Variants in KL observed in about 807,000 individuals in gnomAD.
KL encodes klotho, also known as alpha-klotho.
In KL, 62 loss-of-function variants were observed where a neutral mutation model predicts 84.2. The observed-to-expected ratio is 0.74, with a 90% CI of 0.60 to 0.91. The LOEUF (loss-of-function observed/expected upper bound fraction) is 0.91. Ranked by LOEUF, KL falls within the 40% of genes least tolerant of loss-of-function variation. KL has a pLI of 0.00. For synonymous variants in KL, 528 were observed against 528.0 expected, an observed-to-expected ratio of 1.00 and a Z score of 0.00; for missense variants, 1,261 against 1,305.7, an observed-to-expected ratio of 0.97 and a Z score of 0.53.
intron 1 of KL, among the ~76,000 whole-genome samples, chr13:33,048,839 A>G (rs1051349694): frequency 2.0e-5 from 3 of 152,222 alleles, no homozygotes; most frequent in African/African-American, 7.2e-5. Flanking sequence ...TAGGCAAATG[A>G]CAGGGAGCTT....
At chr13:33,032,930 T>C (rs192823032) in intron 1 of KL, among the ~76,000 whole-genome samples, 28 of 151,886 alleles carry the variant, frequency 1.8e-4, no homozygotes, top group African/African-American at 6.8e-4. Context: ...CTTTCCTTCC[T>C]CTGAATCGCC....
chr13:33,042,736 A>G lies in KL; in HGVS notation c.820-11031A>G, dbSNP rs145307446. 4.4e-3 allele frequency among the ~76,000 whole-genome samples: 669 copies of G among 152,224 alleles called. 7 individuals are homozygous for G. The highest frequency in any genetic ancestry group is 0.013 in the African/African-American group (556 of 41,526). On this transcript the variant is annotated intron_variant, in intron 1 of 4. Coordinates refer to ENST00000380099, the MANE Select transcript of KL (RefSeq NM_004795.4). ...GCTCTTGTTCCCCAGGCTGGAGTGC[A>G]GTGGCAGCGATCTCAGCTCACTGCA...
chr13:33,021,365 C>T (rs1870567996), intron 1 of KL, among the ~76,000 whole-genome samples: 1 of 152,162 alleles, frequency 6.6e-6, no homozygotes, highest in African/African-American at 2.4e-5. Flanking sequence ...CAGTTAAAAG[C>T]TATCTGTAGT....
chr13:33,057,629 A>G (rs1235425998), intron 3 of KL, among the ~76,000 whole-genome samples: 1 of 151,926 alleles, frequency 6.6e-6, no homozygotes, highest in Non-Finnish European at 1.5e-5. Flanking sequence ...CCTGTGCAGA[A>G]CCCAACAAAC....
intron 3 of KL, among the ~76,000 whole-genome samples, chr13:33,056,541 A>G (rs1871963342): frequency 6.6e-6 from 1 of 152,040 alleles, no homozygotes; most frequent in Non-Finnish European, 1.5e-5. Flanking sequence ...CACGCCTGTA[A>G]TCCCAGCACT....
rs139939367 is a variant in KL at position 33,064,008 on chromosome 13, C to A, written c.2861C>A (p.Pro954Gln). The stretch of plus-strand genomic sequence containing the variant: ...AAAATTATTGACAGCAATGGTTTCC[C>A]GGGCCCAGAAACTCTGGAAAGATTT... ...YRKIIDSNGF[P>Q]GPETLERFCP... is the part of the protein sequence containing the mutation. The change falls in exon 5 of 5, where the codon CCG becomes CAG. Residue 954 changes from proline to glutamine, a missense_variant. By Grantham distance (76) the Pro-to-Gln change is moderately conservative. Transcript: ENST00000380099. The A allele has an allele frequency of 1.2e-6, 2 of 1,614,116 alleles. No homozygotes were observed. The highest frequency in any genetic ancestry group is 2.2e-5 in the South Asian group (2 of 91,076).
At chr13:33,063,188 T>C (rs1018963721) in intron 4 of KL, among the ~76,000 whole-genome samples, 4 of 150,734 alleles carry the variant, frequency 2.7e-5, no homozygotes, top group African/African-American at 9.8e-5. Context: ...ATGTCATCAG[T>C]AAAGTAGCCA....
chr13:33,040,583 G>A (rs1211521009), intron 1 of KL, among the ~76,000 whole-genome samples: 1 of 152,008 alleles, frequency 6.6e-6, no homozygotes, highest in African/African-American at 2.4e-5. Flanking sequence ...TCCACCATTG[G>A]TCTCAGTCCA....
At chr13:33,034,507 T>C (rs997571427) in intron 1 of KL, among the ~76,000 whole-genome samples, 2 of 151,538 alleles carry the variant, frequency 1.3e-5, no homozygotes, top group South Asian at 2.1e-4. Context: ...ACACATTTAA[T>C]GAAAGGAAAA....
chr13:33,043,476 T>C (rs1047561297), intron 1 of KL, among the ~76,000 whole-genome samples: 1 of 152,214 alleles, frequency 6.6e-6, no homozygotes, highest in African/African-American at 2.4e-5. Flanking sequence ...CGCCTCAGCC[T>C]CCCAAATTGC....
chr13:33,059,031 C>T (rs1419436619), intron 3 of KL, among the ~76,000 whole-genome samples: 1 of 152,192 alleles, frequency 6.6e-6, no homozygotes. Context: ...TATAAACACA[C>T]TTATCTCTCC....
In KL at chr13:33,061,039, C is replaced by T. The variant is rs1872166055; in HGVS notation, c.1960C>T (p.Gln654Ter). ...NQGLPRLLAR[Q>*]GAWENPYTAL... Reference sequence around the variant, plus strand: ...AGGACTGCCGCGCCTCCTGGCCAGGCAGGGCGCCTGGGAGAACCCCTACAC... The same window carrying T: ...AGGACTGCCGCGCCTCCTGGCCAGGTAGGGCGCCTGGGAGAACCCCTACAC... Residue 654 changes from glutamine (Q) to a stop codon, truncating the protein, a stop_gained, in exon 4 of 5, where the codon CAG becomes TAG. Coordinates refer to ENST00000380099, the MANE Select transcript of KL (RefSeq NM_004795.4). LOFTEE classifies it high-confidence loss of function. The T allele has an allele frequency of 6.2e-7, 1 of 1,611,948 alleles. No individual in the cohort carries two copies. Among genetic ancestry groups the T allele is most frequent in the Admixed American group, 1.7e-5 (1 of 59,950 alleles).
At chr13:33,053,666 C>A in intron 1 of KL, 101 bp from the exon 2 acceptor site, 2 of 1,126,328 alleles carry the variant, frequency 1.8e-6, no homozygotes, top group Non-Finnish European at 2.6e-6. Flanking sequence ...TTAAGTTAGG[C>A]TTGATGAGAA....
intron 1 of KL, among the ~76,000 whole-genome samples, chr13:33,023,634 A>T (rs547967160): frequency 6.6e-6 from 1 of 152,234 alleles, no homozygotes; most frequent in African/African-American, 2.4e-5. Flanking sequence ...AACTTTATAT[A>T]TTGACTAAAC....
chr13:33,064,902 A>G lies in KL; in HGVS notation c.*716A>G, dbSNP rs1177443460. ...TCTTGTTGAGGGCCTTGCACATAGGAAACTTTTGATAAGTATCTGCGGAAA... is the reference window on the plus strand; with the variant it reads ...TCTTGTTGAGGGCCTTGCACATAGGGAACTTTTGATAAGTATCTGCGGAAA... On this transcript the variant is annotated 3_prime_UTR_variant, in exon 5 of 5. Coordinates refer to ENST00000380099, the MANE Select transcript of KL (RefSeq NM_004795.4). 1 of 228,574 alleles carries G rather than the reference A, an allele frequency of 4.4e-6. No individual in the cohort carries two copies. The highest frequency in any genetic ancestry group is 8.7e-6 in the Non-Finnish European group (1 of 115,246). The allele number at this position is 228,574 out of a possible 1,614,324, so 14.2% of individuals were successfully genotyped here.
intron 1 of KL, among the ~76,000 whole-genome samples, chr13:33,030,180 T>A (rs1006236250): frequency 6.6e-6 from 1 of 152,194 alleles, no homozygotes; most frequent in Non-Finnish European, 1.5e-5. Context: ...CCTCATTGCC[T>A]AATTGGCCTA....
In KL at chr13:33,054,219, G is replaced by A. The variant is rs1245361668; in HGVS notation, c.1272G>A (p.Lys424=). The part of the protein sequence containing the change: ...ENGWFVSGTT[K]RDDAKYMYYL... ...GCTGGTTTGTCTCAGGGACCACCAA[G>A]AGAGATGATGCCAAATATATGTATT... The change falls in exon 2 of 5, where the codon AAG becomes AAA. Residue 424 remains lysine, a synonymous_variant. Transcript: ENST00000380099. 2 of 1,613,536 alleles carry A rather than the reference G, an allele frequency of 1.2e-6. No homozygotes were observed. Among genetic ancestry groups the A allele is most frequent in the Non-Finnish European group, 1.7e-6 (2 of 1,179,952 alleles).
rs1870333708 is a variant in KL, at chr13:33,016,497, G to GT, written c.57_58insT (p.Leu20SerfsTer315). On this transcript the variant is annotated frameshift_variant, in exon 1 of 5. Transcript: ENST00000380099. LOFTEE classifies it high-confidence loss of function. Reference sequence around the variant, plus strand: ...GGCCGCCGCCGCCGTCGCTGTCGCTGCTGCTGGTGCTGCTGGGCCTGGGCG... The same window carrying GT: ...GGCCGCCGCCGCCGTCGCTGTCGCTGTCTGCTGGTGCTGCTGGGCCTGGGCG... 3.3e-6 allele frequency: 4 copies of GT among 1,212,984 alleles called. No homozygotes were observed. The African/African-American group carries it at 6.3e-5, about 19-fold the overall frequency. The allele number at this position is 1,212,984 out of a possible 1,614,324, so 75.1% of individuals were successfully genotyped here.
chr13:33,029,962 T>G (rs1168952519), intron 1 of KL, among the ~76,000 whole-genome samples: 1 of 151,934 alleles, frequency 6.6e-6, no homozygotes, highest in African/African-American at 2.4e-5. Flanking sequence ...AGGAATTTAT[T>G]TCCTCACAGT....
Sources: allele counts gnomAD v4.1 joint callset (sites outside exome capture counted in the v4.1 genomes callset), GRCh38; gene constraint gnomAD v4.1.1; transcripts MANE v1.5; gene names NCBI Gene and HGNC (gene_info 2026-07-23, HGNC 2026-07-21).